The following HCN1 variants were observed in gnomAD, a reference collection of about 807,000 sequenced individuals.
HCN1 encodes hyperpolarization activated cyclic nucleotide gated potassium channel 1, also known as potassium/sodium hyperpolarization-activated cyclic nucleotide-gated channel 1.
Under a neutral mutation model 78.9 loss-of-function variants are expected in HCN1, and 13 were observed. That is an observed-to-expected ratio of 0.16 (90% CI 0.11 to 0.26). The LOEUF is 0.26. Among genes scored for constraint, HCN1 ranks in the 10% least tolerant of loss-of-function variants. The pLI is 1.00. For missense variants in HCN1, 810 were observed against 1,154.3 expected, an observed-to-expected ratio of 0.70 and a Z score of 4.32; for synonymous variants, 552 against 455.5, an observed-to-expected ratio of 1.21 and a Z score of -2.70.
intron 4 of HCN1, among the ~76,000 whole-genome samples, chr5:45,359,613 T>G (rs953346490): frequency 8.6e-5 from 13 of 151,734 alleles, no homozygotes; most frequent in Admixed American, 2.0e-4. Context: ...TGGAACTAAT[T>G]TCCATGTTCA....
rs548170191 is a variant in HCN1 at position 45,496,486 on chromosome 5, T to A, written c.850-34479A>T. Among the ~76,000 whole-genome samples, 17 of 152,332 alleles carry A rather than the reference T, an allele frequency of 1.1e-4. No individual in the cohort carries two copies. In the East Asian group the frequency reaches 2.1e-3, roughly 19 times the overall value. ...ACCACTGGTAGAAGTTGGCTGTGAA[T>A]CCATCTGGTCCTGGACTCTTTTTGG... On this transcript the variant is annotated intron_variant, in intron 2 of 7. Transcript: ENST00000303230.
intron 3 of HCN1, among the ~76,000 whole-genome samples, chr5:45,398,910 G>A (rs368919991): frequency 5.9e-5 from 9 of 152,266 alleles, no homozygotes; most frequent in African/African-American, 1.9e-4. Context: ...AAACACTGAG[G>A]AATTCTAATG....
chr5:45,565,261 T>C (rs1743683554), intron 2 of HCN1, among the ~76,000 whole-genome samples: 1 of 152,128 alleles, frequency 6.6e-6, no homozygotes, highest in African/African-American at 2.4e-5. Flanking sequence ...CAGAAACCAG[T>C]GGGAGCAATG....
At chr5:45,589,500 G>A (rs1744310462) in intron 2 of HCN1, among the ~76,000 whole-genome samples, 1 of 152,132 alleles carries the variant, frequency 6.6e-6, no homozygotes, top group African/African-American at 2.4e-5. Flanking sequence ...ACTCTGTTAA[G>A]GTCTTTGTTA....
chr5:45,268,559 C>T (rs1023557260), intron 6 of HCN1, among the ~76,000 whole-genome samples: 10 of 152,132 alleles, frequency 6.6e-5, no homozygotes, highest in Admixed American at 2.0e-4. Context: ...GACACATGTA[C>T]GTTCATTTGA....
At chr5:45,503,928 T>C (rs1177520202) in intron 2 of HCN1, among the ~76,000 whole-genome samples, 1 of 151,852 alleles carries the variant, frequency 6.6e-6, no homozygotes. Context: ...TGCAATTACA[T>C]GTGTGCACCA....
intron 4 of HCN1, among the ~76,000 whole-genome samples, chr5:45,373,951 T>TAA (rs1182205094): frequency 1.7e-4 from 18 of 106,040 alleles, no homozygotes; most frequent in African/African-American, 6.1e-4. Context: ...GGTATATACA[T>TAA]CATATATAAT....
At chr5:45,658,614 A>G (rs1417691018) in intron 1 of HCN1, among the ~76,000 whole-genome samples, 1 of 151,750 alleles carries the variant, frequency 6.6e-6, no homozygotes, top group East Asian at 2.0e-4. Context: ...GCGCGAGCCG[A>G]AGCAGGGCGA....
At chr5:45,358,873 A>C (rs1747058418) in intron 4 of HCN1, among the ~76,000 whole-genome samples, 1 of 152,078 alleles carries the variant, frequency 6.6e-6, no homozygotes, top group Non-Finnish European at 1.5e-5. Context: ...TTAAGATCTG[A>C]CAGAGAAACA....
chr5:45,311,172 A>G (rs1451185249), intron 5 of HCN1, among the ~76,000 whole-genome samples: 1 of 152,208 alleles, frequency 6.6e-6, no homozygotes, highest in African/African-American at 2.4e-5. Flanking sequence ...ACTTAAAATG[A>G]AAGTTAAAAA....
intron 1 of HCN1, among the ~76,000 whole-genome samples, chr5:45,654,973 T>C (rs1393903675): frequency 6.6e-6 from 1 of 152,148 alleles, no homozygotes; most frequent in Non-Finnish European, 1.5e-5. Context: ...TGTTTTTTGT[T>C]ACTCTACAGA....
intron 2 of HCN1, among the ~76,000 whole-genome samples, chr5:45,539,919 GATATATATATAT>G (rs66934051): frequency 0.11 from 13,308 of 125,816 alleles, 729 homozygotes; most frequent in Middle Eastern, 0.16. Context: ...TAAATTGTGA[GATATATATATAT>G]ATATATATAT....
chr5:45,331,446 G>A (rs754056607), intron 5 of HCN1, among the ~76,000 whole-genome samples: 6 of 151,342 alleles, frequency 4.0e-5, no homozygotes, highest in Non-Finnish European at 7.4e-5. Flanking sequence ...ACCGTAACAG[G>A]AGAAGTAGTT....
At chr5:45,466,442 A>G (rs977919957) in intron 2 of HCN1, among the ~76,000 whole-genome samples, 1 of 152,182 alleles carries the variant, frequency 6.6e-6, no homozygotes, top group African/African-American at 2.4e-5. Flanking sequence ...AAGACTTCTT[A>G]ATACACCTTC....
intron 5 of HCN1, among the ~76,000 whole-genome samples, chr5:45,329,300 C>T (rs1040009274): frequency 6.6e-6 from 1 of 151,512 alleles, no homozygotes; most frequent in Non-Finnish European, 1.5e-5. Context: ...CTCTGTTCTA[C>T]TTTCTGTGTC....
intron 3 of HCN1, among the ~76,000 whole-genome samples, chr5:45,450,250 C>T (rs980043947): frequency 6.6e-6 from 1 of 152,092 alleles, no homozygotes; most frequent in East Asian, 1.9e-4. Context: ...AAGATAAACT[C>T]CCATTTTTAA....
At chr5:45,466,875 T>C (rs774224646) in intron 2 of HCN1, among the ~76,000 whole-genome samples, 3 of 152,160 alleles carry the variant, frequency 2.0e-5, no homozygotes, top group East Asian at 3.9e-4. Flanking sequence ...ATGACTGCAG[T>C]CATTGGATGA....
At chr5:45,596,452 C>T (rs969120503) in intron 2 of HCN1, among the ~76,000 whole-genome samples, 2 of 152,168 alleles carry the variant, frequency 1.3e-5, no homozygotes, top group Non-Finnish European at 2.9e-5. Flanking sequence ...TCTGACTTCC[C>T]ATTCAAGAGA....
At chr5:45,628,647 T>A (rs1745216370) in intron 2 of HCN1, among the ~76,000 whole-genome samples, 1 of 152,170 alleles carries the variant, frequency 6.6e-6, no homozygotes. Flanking sequence ...CTATATATTA[T>A]CTACAAAAAG....
Sources: gnomAD v4.1 joint callset for allele counts (sites outside exome capture counted in the v4.1 genomes callset) on GRCh38, gnomAD v4.1.1 for gene constraint, MANE v1.5 for transcripts, NCBI Gene and HGNC (gene_info 2026-07-23, HGNC 2026-07-21) for gene names.